Variants in SLC35F5 observed in about 807,000 individuals in gnomAD.
SLC35F5 encodes solute carrier family 35 member F5.
Under a neutral mutation model 68.6 loss-of-function variants are expected in SLC35F5, and 54 were observed. That is an observed-to-expected ratio of 0.79 (90% CI 0.63 to 0.99). SLC35F5 has a LOEUF of 0.99. SLC35F5 is among the 50% of genes least tolerant of loss of function. The pLI is 0.00. For missense variants in SLC35F5, 567 were observed against 626.9 expected, an observed-to-expected ratio of 0.90 and a Z score of 1.02; for synonymous variants, 211 against 205.2, an observed-to-expected ratio of 1.03 and a Z score of -0.24.
At position 113,706,897 on chromosome 2, in the gene SLC35F5, G is replaced by T; in HGVS notation, c.*8321C>A. Among the ~76,000 whole-genome samples the T allele has an allele frequency of 6.6e-6, 1 of 152,218 alleles. No individual in the cohort carries two copies. The highest frequency in any genetic ancestry group is 1.9e-4 in the East Asian group (1 of 5,190). ...CAAATCTTATATTTGGTTATCCACA[G>T]TCTATAAAATAATGTTCCCAAATTA... On this transcript the variant is annotated 3_prime_UTR_variant, in exon 16 of 16. Coordinates refer to ENST00000245680, the MANE Select transcript of SLC35F5 (RefSeq NM_025181.5).
chr2:113,746,224 C>T, intron 5 of SLC35F5, 53 bp downstream of exon 5: 1 of 1,429,908 alleles, frequency 7.0e-7, no homozygotes, highest in Non-Finnish European at 9.8e-7. Flanking sequence ...TCAGTTTTTC[C>T]TACCATGGCT....
chr2:113,711,570 A>G lies in SLC35F5; in HGVS notation c.*3648T>C, dbSNP rs1686985225. ...CTATGTGAAAAATCAACCTCAATTTATCTAAATGGGATTTGGGGGACACGG... is the reference window on the plus strand; with the variant it reads ...CTATGTGAAAAATCAACCTCAATTTGTCTAAATGGGATTTGGGGGACACGG... On this transcript the variant is annotated 3_prime_UTR_variant, in exon 16 of 16. Transcript: ENST00000245680. Among the ~76,000 whole-genome samples, 1 of 152,206 alleles carries G rather than the reference A, an allele frequency of 6.6e-6. No homozygotes were observed. Among genetic ancestry groups the G allele is most frequent in the Admixed American group, 6.5e-5 (1 of 15,280 alleles).
intron 5 of SLC35F5, among the ~76,000 whole-genome samples, chr2:113,744,399 G>T (rs1223224785): frequency 6.6e-6 from 1 of 152,100 alleles, no homozygotes; most frequent in African/African-American, 2.4e-5. Flanking sequence ...ACTGTGTATT[G>T]AGTACCAACT....
In SLC35F5 at chr2:113,756,417, C is replaced by G; in HGVS notation, c.-8G>C. The G allele has an allele frequency of 2.6e-6, 4 of 1,549,970 alleles. No homozygotes were observed. Among genetic ancestry groups the G allele is most frequent in the African/African-American group, 2.7e-5 (2 of 73,306 alleles). ...GCGTCGTGGCGGCACCATGAGCGGACCGGTCAGGCCCCGCAGCCGCCCAGC... is the reference window on the plus strand; with the variant it reads ...GCGTCGTGGCGGCACCATGAGCGGAGCGGTCAGGCCCCGCAGCCGCCCAGC... On this transcript the variant is annotated 5_prime_UTR_variant, in exon 1 of 16. Transcript: ENST00000245680.
chr2:113,733,411 A>T (rs746596435), intron 9 of SLC35F5: 11 of 339,968 alleles, frequency 3.2e-5, no homozygotes, highest in Non-Finnish European at 6.0e-5. Context: ...AGTCTTTATT[A>T]AGATAACATG....
At chr2:113,751,579 G>A (rs1479493065) in intron 3 of SLC35F5, among the ~76,000 whole-genome samples, 1 of 152,128 alleles carries the variant, frequency 6.6e-6, no homozygotes, top group Non-Finnish European at 1.5e-5. Flanking sequence ...GGAGGCCGAG[G>A]CGGGTGGATC....
At position 113,755,523 on chromosome 2, in the gene SLC35F5, G is replaced by A. The variant is rs1368280063; in HGVS notation, c.62C>T (p.Pro21Leu). 6.2e-7 allele frequency: 1 copy of A among 1,613,880 alleles called. No homozygotes were observed. The change falls in exon 2 of 16, where the codon CCT (proline) becomes CTT (leucine). Residue 21 changes from proline to leucine, a missense_variant. Physicochemically the swap from Pro to Leu is moderately conservative, Grantham distance 98. Transcript: ENST00000245680. ...GRPGVLSSSP[P>L]FRLRSAKFSG... ...AAACTTGGCAGATCTCAGTCTAAAA[G>A]GAGGTGAAGAACTCAGCACCCCTAA...
At chr2:113,738,522 G>T (rs72946611) in intron 7 of SLC35F5, among the ~76,000 whole-genome samples, 1 of 151,816 alleles carries the variant, frequency 6.6e-6, no homozygotes, top group African/African-American at 2.4e-5. Context: ...GGTTGTTCCC[G>T]TATCTTGTCT....
At chr2:113,704,435 C>T (rs552493474), downstream of SLC35F5, among the ~76,000 whole-genome samples, 386 of 152,334 alleles carry the variant, frequency 2.5e-3, no homozygotes, top group Non-Finnish European at 4.8e-3. Flanking sequence ...CTCCTCAGCC[C>T]TTGGGTAGTT....
At chr2:113,717,725 C>G (rs1227883322) in intron 15 of SLC35F5, 28 bp downstream of exon 15, 6 of 1,411,354 alleles carry the variant, frequency 4.3e-6, no homozygotes, top group Non-Finnish European at 5.9e-6. Context: ...GAACCTTATT[C>G]AATACTAAAC....
At chr2:113,734,874 C>G (rs755056929) in intron 8 of SLC35F5, among the ~76,000 whole-genome samples, 1 of 152,170 alleles carries the variant, frequency 6.6e-6, no homozygotes, top group African/African-American at 2.4e-5. Flanking sequence ...AGCCTCCAAA[C>G]TAAACCATGT....
intron 7 of SLC35F5, among the ~76,000 whole-genome samples, chr2:113,740,818 G>C (rs1349975908): frequency 6.6e-6 from 1 of 151,972 alleles, no homozygotes; most frequent in African/African-American, 2.4e-5. Context: ...GTAGAGATGG[G>C]GTTTCACCAC....
intron 7 of SLC35F5, among the ~76,000 whole-genome samples, chr2:113,741,122 C>G (rs1676256131): frequency 6.6e-6 from 1 of 152,140 alleles, no homozygotes; most frequent in African/African-American, 2.4e-5. Context: ...AATTCTGACA[C>G]AAGTTACAAC....
chr2:113,724,082 G>A (rs1687563677), intron 12 of SLC35F5, among the ~76,000 whole-genome samples: 1 of 152,194 alleles, frequency 6.6e-6, no homozygotes, highest in Admixed American at 6.5e-5. Flanking sequence ...TCAATAAAGT[G>A]TCACTAGAAG....
downstream of SLC35F5, chr2:113,703,754 C>G (rs1308887816): frequency 6.6e-6 from 1 of 152,128 alleles, no homozygotes; most frequent in Non-Finnish European, 1.5e-5. Flanking sequence ...AAACTGGGGC[C>G]AATAAAACAA....
chr2:113,702,719 G>A (rs375574025), downstream of SLC35F5, among the ~76,000 whole-genome samples: 1 of 152,080 alleles, frequency 6.6e-6, no homozygotes, highest in Non-Finnish European at 1.5e-5. Context: ...CTTTTTTACA[G>A]GAAGATTTTA....
At chr2:113,738,362 C>A (rs1231415949) in intron 7 of SLC35F5, among the ~76,000 whole-genome samples, 3 of 152,076 alleles carry the variant, frequency 2.0e-5, no homozygotes, top group African/African-American at 7.2e-5. Context: ...ACATTCTATG[C>A]CTGGCTTATT....
chr2:113,718,921 GAAAGAA>G (rs773716424), intron 14 of SLC35F5, among the ~76,000 whole-genome samples: 6,377 of 67,780 alleles, frequency 0.094, 295 homozygotes, highest in Middle Eastern at 0.2. Context: ...AAGAAAGAAA[GAAAGAA>G]AAAGAAAGGA....
At chr2:113,725,705 C>T (rs866673247) in intron 11 of SLC35F5, 168 bp from the exon 12 acceptor site, 2 of 527,540 alleles carry the variant, frequency 3.8e-6, no homozygotes, top group East Asian at 3.5e-5. Context: ...TAGCTCAACG[C>T]CATAGAAAAA....
Sources: gnomAD v4.1 joint callset for allele counts (sites outside exome capture counted in the v4.1 genomes callset) on GRCh38, gnomAD v4.1.1 for gene constraint, MANE v1.5 for transcripts, NCBI Gene and HGNC (gene_info 2026-07-23, HGNC 2026-07-21) for gene names.